The following PDZRN3 variants were observed in gnomAD, a reference collection of about 807,000 sequenced individuals.
The protein encoded by PDZRN3 is E3 ubiquitin-protein ligase PDZRN3.
A neutral mutation model predicts 85.7 loss-of-function variants in PDZRN3; 38 were observed. The observed-to-expected ratio is 0.44, with a 90% CI of 0.34 to 0.58. The LOEUF is 0.58. Among genes scored for constraint, PDZRN3 ranks in the 20% least tolerant of loss-of-function variants. The pLI is 0.01. For missense variants in PDZRN3, 1,629 were observed against 1,506.4 expected (o/e 1.08, Z -1.35); for synonymous variants, 759 against 638.0 (o/e 1.19, Z -2.86).
At chr3:73,434,816 A>G (rs754049500) in intron 3 of PDZRN3, among the ~76,000 whole-genome samples, 8 of 152,224 alleles carry the variant, frequency 5.3e-5, no homozygotes, top group Non-Finnish European at 1.2e-4. Flanking sequence ...GTGACAACAG[A>G]CAACATTTAA....
At chr3:73,432,384 A>G (rs1177291792) in intron 3 of PDZRN3, among the ~76,000 whole-genome samples, 1 of 152,176 alleles carries the variant, frequency 6.6e-6, no homozygotes, top group South Asian at 2.1e-4. Context: ...ACAGGTCGGA[A>G]ATGTATTTAT....
chr3:73,420,532 C>CA (rs1702178697), intron 3 of PDZRN3, among the ~76,000 whole-genome samples: 1 of 152,198 alleles, frequency 6.6e-6, no homozygotes, highest in Non-Finnish European at 1.5e-5. Context: ...TTTGGCTTTA[C>CA]ATACTTCTGT....
chr3:73,469,448 G>A (rs193087590), intron 3 of PDZRN3, among the ~76,000 whole-genome samples: 2 of 152,296 alleles, frequency 1.3e-5, no homozygotes, highest in East Asian at 3.9e-4. Flanking sequence ...GGCGTCAGGT[G>A]ACTTTGGAGT....
chr3:73,610,489 G>T (rs1559757165), intron 1 of PDZRN3, among the ~76,000 whole-genome samples: 1 of 152,146 alleles, frequency 6.6e-6, no homozygotes, highest in African/African-American at 2.4e-5. Context: ...CAACCTAATA[G>T]TTTTGAGATA....
chr3:73,414,528 C>A (rs183691323), intron 3 of PDZRN3, among the ~76,000 whole-genome samples: 34 of 152,274 alleles, frequency 2.2e-4, no homozygotes, highest in African/African-American at 7.7e-4. Context: ...CCAACTAGTT[C>A]ATCTTGCAGT....
At chr3:73,614,115 A>G (rs1702726234) in intron 1 of PDZRN3, among the ~76,000 whole-genome samples, 1 of 152,232 alleles carries the variant, frequency 6.6e-6, no homozygotes. Context: ...TATTAGATCA[A>G]TGTTAAAATT....
At chr3:73,389,786 C>G (rs749377250) in intron 7 of PDZRN3, 30 bp downstream of exon 7, 26 of 1,529,446 alleles carry the variant, frequency 1.7e-5, no homozygotes, top group Non-Finnish European at 2.4e-5. Context: ...ATAGGCCCAT[C>G]ATGAGGCCAT....
At chr3:73,553,305 G>T (rs866527169) in intron 3 of PDZRN3, among the ~76,000 whole-genome samples, 1 of 152,108 alleles carries the variant, frequency 6.6e-6, no homozygotes, top group Non-Finnish European at 1.5e-5. Flanking sequence ...CAGGTGTGGT[G>T]GCTCACACCT....
At chr3:73,445,950 T>C (rs1559683695) in intron 3 of PDZRN3, among the ~76,000 whole-genome samples, 1 of 152,176 alleles carries the variant, frequency 6.6e-6, no homozygotes, top group African/African-American at 2.4e-5. Context: ...GAAACAGTAA[T>C]ATCAGAGAGA....
At chr3:73,392,532 A>G (rs1186316256) in intron 5 of PDZRN3, among the ~76,000 whole-genome samples, 1 of 152,180 alleles carries the variant, frequency 6.6e-6, no homozygotes, top group Non-Finnish European at 1.5e-5. Flanking sequence ...AGTACCTGCC[A>G]TCCTGCCTCC....
At chr3:73,452,343 C>T (rs941458723) in intron 3 of PDZRN3, among the ~76,000 whole-genome samples, 2 of 152,216 alleles carry the variant, frequency 1.3e-5, no homozygotes, top group East Asian at 1.9e-4. Flanking sequence ...ACAAAACACA[C>T]GGCTTTTCTC....
intron 3 of PDZRN3, among the ~76,000 whole-genome samples, chr3:73,563,751 T>G (rs1438892305): frequency 1.3e-5 from 2 of 152,324 alleles, no homozygotes; most frequent in East Asian, 3.9e-4. Context: ...TGACTCCTGC[T>G]CTACATGCTT....
chr3:73,420,568 T>C lies in PDZRN3; in HGVS notation c.919-16173A>G, dbSNP rs73838531. ...TGAAACCCTTATTCTCCACTGTTCC[T>C]TTCAAGAAAATGATGTAGCACCAAT... On this transcript the variant is annotated intron_variant, in intron 3 of 9. Transcript: ENST00000263666. Among the ~76,000 whole-genome samples, 1,213 of 152,330 alleles carry C rather than the reference T, an allele frequency of 8.0e-3. 10 individuals carry two copies. The highest frequency in any genetic ancestry group is 0.028 in the African/African-American group (1,147 of 41,578).
Position 73,624,817 on chromosome 3 carries a change from G to T in PDZRN3, c.9C>A (p.Phe3Leu). 1 of 1,345,030 alleles carries T rather than the reference G, an allele frequency of 7.4e-7. No individual in the cohort carries two copies. The highest frequency in any genetic ancestry group is 2.9e-5 in the East Asian group (1 of 34,106). 83.3% of individuals were successfully genotyped at this position (1,345,030 alleles called of 1,614,324 possible). A position where few individuals can be genotyped will look rare whatever the true frequency, so the allele number is the denominator to read the frequency against. MG[F>L]ELDRFDGDVD... ...CGTCGCCGTCGAAGCGGTCCAGCTC[G>T]AAGCCCATGGTGGCGGCCAGGCCCC... Residue 3 changes from phenylalanine to leucine, a missense_variant, in exon 1 of 10, where the codon TTC (phenylalanine) becomes TTA (leucine). By Grantham distance (22) the Phe-to-Leu change is conservative (BLOSUM62 0). Transcript: ENST00000263666.
chr3:73,558,233 A>AT (rs368555319), intron 3 of PDZRN3, among the ~76,000 whole-genome samples: 125 of 151,774 alleles, frequency 8.2e-4, no homozygotes, highest in Non-Finnish European at 1.4e-3. Flanking sequence ...AAAAAAAAAA[A>AT]AATCCAGGAG....
At chr3:73,447,834 G>A (rs958051412) in intron 3 of PDZRN3, among the ~76,000 whole-genome samples, 1 of 152,092 alleles carries the variant, frequency 6.6e-6, no homozygotes, top group Non-Finnish European at 1.5e-5. Context: ...ACCTGACCCT[G>A]TTGACTCTAC....
Position 73,384,169 on chromosome 3 carries a change from T to C in PDZRN3, c.2397A>G (p.Glu799=). 1 of 1,614,076 alleles carries C rather than the reference T, an allele frequency of 6.2e-7. No homozygotes were observed. Among genetic ancestry groups the C allele is most frequent in the African/African-American group, 1.3e-5 (1 of 75,058 alleles). ...GATTCTTGGAGGCTGGCCCGTAGGC[T>C]TCCGTGGTCCCCACAGCCCCTTCGC... is the stretch of plus-strand genomic sequence containing the variant. ...PSSEGAVGTT[E]AYGPASKNLL... Residue 799 remains glutamate, a synonymous_variant, in exon 10 of 10, where the codon GAA becomes GAG. Transcript: ENST00000263666.
chr3:73,416,892 T>TTTTTTTTTTTTTTTTTTG (rs1702100798), intron 3 of PDZRN3, among the ~76,000 whole-genome samples: 1 of 124,990 alleles, frequency 8.0e-6, no homozygotes, highest in African/African-American at 3.1e-5. Context: ...TTTTTTTTTT[T>TTTTTTTTTTTTTTTTTTG]TTTTTTTTTT....
chr3:73,599,507 T>C (rs1002625546), intron 3 of PDZRN3, among the ~76,000 whole-genome samples: 4 of 152,348 alleles, frequency 2.6e-5, no homozygotes, highest in Non-Finnish European at 5.9e-5. Context: ...ATGGTGGTAC[T>C]GGTTCTGCAA....
Sources: allele counts gnomAD v4.1 joint callset (sites outside exome capture counted in the v4.1 genomes callset), GRCh38; gene constraint gnomAD v4.1.1; transcripts MANE v1.5; gene names NCBI Gene and HGNC (gene_info 2026-07-23, HGNC 2026-07-21).